The following COMMD1 variants were observed in gnomAD, a reference collection of about 807,000 sequenced individuals.
COMMD1 encodes the protein COMM domain-containing protein 1.
Under a neutral mutation model 17.2 loss-of-function variants are expected in COMMD1, and 10 were observed. The ratio of observed to expected loss-of-function variants is 0.58; its 90% CI spans 0.36 to 0.99. The LOEUF is 0.99. COMMD1 is among the 50% of genes least tolerant of loss of function. COMMD1 has a pLI of 0.01. For missense variants in COMMD1, 270 were observed against 231.8 expected, an observed-to-expected ratio of 1.17 and a Z score of -1.07; for synonymous variants, 97 against 91.6, an observed-to-expected ratio of 1.06 and a Z score of -0.34.
At chr2:62,035,730 ACT>A (rs1188717807) in intron 2 of COMMD1, among the ~76,000 whole-genome samples, 5 of 128,574 alleles carry the variant, frequency 3.9e-5, no homozygotes, top group African/African-American at 9.3e-5. Context: ...ACAGAGTGAG[ACT>A]CTGTCTCAAT....
At chr2:62,002,505 A>G (rs948822476) in intron 2 of COMMD1, among the ~76,000 whole-genome samples, 39 of 141,110 alleles carry the variant, frequency 2.8e-4, no homozygotes, top group African/African-American at 1.1e-3. Flanking sequence ...AAAAAAAAAA[A>G]AAAAAAAAAA....
At chr2:62,081,705 A>C (rs1298298064) in intron 2 of COMMD1, among the ~76,000 whole-genome samples, 1 of 151,964 alleles carries the variant, frequency 6.6e-6, no homozygotes, top group Non-Finnish European at 1.5e-5. Context: ...TTTCTCTCGG[A>C]TGATTTATGA....
intron 1 of COMMD1, among the ~76,000 whole-genome samples, chr2:61,951,216 C>T (rs1199608381): frequency 6.6e-6 from 1 of 152,264 alleles, no homozygotes; most frequent in Admixed American, 6.5e-5. Flanking sequence ...GTAATCCCAG[C>T]ACTTCGGGAG....
chr2:62,028,616 A>G (rs1669835754), intron 2 of COMMD1, among the ~76,000 whole-genome samples: 1 of 152,208 alleles, frequency 6.6e-6, no homozygotes, highest in African/African-American at 2.4e-5. Flanking sequence ...TGATGCCAAT[A>G]AAACTATTGG....
At chr2:62,100,627 G>A (rs958805723) in intron 2 of COMMD1, among the ~76,000 whole-genome samples, 1 of 152,170 alleles carries the variant, frequency 6.6e-6, no homozygotes, top group Non-Finnish European at 1.5e-5. Context: ...GGTGACAATT[G>A]GTTGAGTTTA....
At position 62,045,818 on chromosome 2, in the gene COMMD1, A is replaced by G. The variant is rs1442761252; in HGVS notation, c.462+44836A>G. 2.7e-5 allele frequency among the ~76,000 whole-genome samples: 4 copies of G among 145,576 alleles called. No homozygotes were observed. In the East Asian group the frequency reaches 6.1e-4, roughly 22 times the overall value. On this transcript the variant is annotated intron_variant, in intron 2 of 2. Transcript: ENST00000311832. The stretch of plus-strand genomic sequence containing the variant: ...AGTGGCGCCATCTCGGCCCACTGCA[A>G]CCTCTGCCTCCTGGTTCAAGCAATT...
chr2:62,029,211 A>G (rs1374870458), intron 2 of COMMD1, among the ~76,000 whole-genome samples: 2 of 152,178 alleles, frequency 1.3e-5, no homozygotes, highest in African/African-American at 2.4e-5. Context: ...ATCCAAATCT[A>G]ATTGTTATAC....
intron 1 of COMMD1, among the ~76,000 whole-genome samples, chr2:61,893,521 CAA>C (rs760618563): frequency 3.3e-5 from 5 of 149,784 alleles, no homozygotes; most frequent in African/African-American, 5.1e-5. Flanking sequence ...GTAGTACTAA[CAA>C]GAGTTACAGG....
intron 2 of COMMD1, among the ~76,000 whole-genome samples, chr2:62,003,631 CACACACACA>C (rs1398100734): frequency 2.0e-4 from 30 of 151,638 alleles, no homozygotes; most frequent in African/African-American, 7.3e-4. Context: ...CACACACACA[CACACACACA>C]CCCAACAGAT....
intron 2 of COMMD1, among the ~76,000 whole-genome samples, chr2:62,122,368 A>G (rs11125908): frequency 0.26 from 38,834 of 151,988 alleles, 5,822 homozygotes; most frequent in Non-Finnish European, 0.33. Flanking sequence ...GGGGTTAGCC[A>G]GTGATAGGTT....
chr2:62,084,002 C>T (rs1015953579), intron 2 of COMMD1, among the ~76,000 whole-genome samples: 2 of 152,196 alleles, frequency 1.3e-5, no homozygotes, highest in African/African-American at 4.8e-5. Context: ...TTTAACTAAA[C>T]ATCTTTCTGT....
chr2:61,934,956 A>G (rs1670565468), intron 1 of COMMD1, among the ~76,000 whole-genome samples: 1 of 152,222 alleles, frequency 6.6e-6, no homozygotes, highest in Admixed American at 6.5e-5. Context: ...TCCTGTAACA[A>G]AAGACAGATT....
At chr2:62,081,663 AGTAATTGCCT>A (rs1190716745) in intron 2 of COMMD1, among the ~76,000 whole-genome samples, 1 of 152,022 alleles carries the variant, frequency 6.6e-6, no homozygotes, top group Non-Finnish European at 1.5e-5. Flanking sequence ...ATTTCCTCTT[AGTAATTGCCT>A]GTGCACATCC....
chr2:62,109,604 A>G (rs1672401277), intron 2 of COMMD1, among the ~76,000 whole-genome samples: 1 of 152,256 alleles, frequency 6.6e-6, no homozygotes, highest in Non-Finnish European at 1.5e-5. Context: ...GTGAATTCCC[A>G]TGAGGTGATA....
intron 2 of COMMD1, among the ~76,000 whole-genome samples, chr2:62,080,337 T>C (rs1671482177): frequency 6.6e-6 from 1 of 152,226 alleles, no homozygotes; most frequent in Non-Finnish European, 1.5e-5. Flanking sequence ...TGTGCCTGCC[T>C]TATTCACTGC....
intron 1 of COMMD1, among the ~76,000 whole-genome samples, chr2:61,896,495 C>T (rs1558513488): frequency 6.6e-6 from 1 of 152,114 alleles, no homozygotes; most frequent in Non-Finnish European, 1.5e-5. Flanking sequence ...GCAGGAGGAT[C>T]CTTTTGAGCC....
chr2:62,034,956 T>G (rs1670001284), intron 2 of COMMD1, among the ~76,000 whole-genome samples: 1 of 152,230 alleles, frequency 6.6e-6, no homozygotes, highest in Non-Finnish European at 1.5e-5. Context: ...AGCCAAAAAC[T>G]GTTATCCAAT....
At chr2:61,955,225 A>C (rs1247341533) in intron 1 of COMMD1, among the ~76,000 whole-genome samples, 1 of 151,108 alleles carries the variant, frequency 6.6e-6, no homozygotes, top group African/African-American at 2.4e-5. Flanking sequence ...GTGGTGGCTC[A>C]TGTCTGTAAT....
chr2:61,891,931 AC>A (rs1164860178), intron 1 of COMMD1, among the ~76,000 whole-genome samples: 1 of 151,394 alleles, frequency 6.6e-6, no homozygotes, highest in Non-Finnish European at 1.5e-5. Flanking sequence ...TCCCGGGTTC[AC>A]GCCATTCTCC....
Sources: allele counts gnomAD v4.1 joint callset (sites outside exome capture counted in the v4.1 genomes callset), GRCh38; gene constraint gnomAD v4.1.1; transcripts MANE v1.5; gene names NCBI Gene and HGNC (gene_info 2026-07-23, HGNC 2026-07-21).